The following DOCK7 variants were observed in gnomAD, a reference collection of about 807,000 sequenced individuals.
DOCK7 encodes dedicator of cytokinesis 7.
Under a neutral mutation model 271.0 loss-of-function variants are expected in DOCK7, and 138 were observed. The observed-to-expected ratio is 0.51, with a 90% CI of 0.44 to 0.59. The LOEUF is 0.59. DOCK7 is among the 20% of genes least tolerant of loss of function. The pLI is 0.00. For missense variants in DOCK7, 2,066 were observed against 2,592.4 expected (o/e 0.80, Z 4.41); for synonymous variants, 823 against 876.1 (o/e 0.94, Z 1.07).
At chr1:62,587,382 G>T (rs1647722807) in intron 14 of DOCK7, among the ~76,000 whole-genome samples, 1 of 148,868 alleles carries the variant, frequency 6.7e-6, no homozygotes, top group African/African-American at 2.5e-5. Context: ...AAGACGTTTA[G>T]TATAATAGAA....
chr1:62,459,973 T>C (rs181621963), intron 48 of DOCK7, among the ~76,000 whole-genome samples: 1,755 of 151,624 alleles, frequency 0.012, 42 homozygotes, highest in African/African-American at 0.039. Flanking sequence ...TGGTGGTGGG[T>C]GCCTGTAGTC....
chr1:62,575,080 G>A (rs1310187362), intron 18 of DOCK7, among the ~76,000 whole-genome samples: 1 of 152,146 alleles, frequency 6.6e-6, no homozygotes, highest in African/African-American at 2.4e-5. Flanking sequence ...TCCCAGGCTG[G>A]AGGGCACTGG....
At chr1:62,614,045 A>C (rs1425692410) in intron 14 of DOCK7, among the ~76,000 whole-genome samples, 2 of 152,040 alleles carry the variant, frequency 1.3e-5, no homozygotes, top group Non-Finnish European at 2.9e-5. Flanking sequence ...CACTGGGAAA[A>C]TGTGTACACA....
chr1:62,612,492 T>C (rs1394040194), intron 14 of DOCK7, among the ~76,000 whole-genome samples: 1 of 152,086 alleles, frequency 6.6e-6, no homozygotes, highest in Non-Finnish European at 1.5e-5. Context: ...CACGTATACC[T>C]ATGTAACAAA....
In DOCK7 at chr1:62,489,078, A is replaced by C. The variant is rs1475460868; in HGVS notation, c.5362-13T>G. The C allele has an allele frequency of 1.9e-6, 3 of 1,549,552 alleles. No homozygotes were observed. ...CATACATGCCAGCCTATAAGAAAAA[A>C]TTTTGTTAAGATGTTGCTTTCTTTT... On this transcript the variant is annotated splice_polypyrimidine_tract_variant and intron_variant, in intron 41 of 49. Transcript: ENST00000635253.
chr1:62,578,948 T>C lies in DOCK7; in HGVS notation c.1890A>G (p.Glu630=), dbSNP rs1647025196. ...TAGCAGGAAGCTTAACCTTGATTTC[T>C]TCATGAAAATCAGGAGACCTTCATA... is the stretch of plus-strand genomic sequence containing the variant. The part of the protein sequence containing the change: ...VYHNRSPDFH[E]EIKVKLPATL... The change falls in exon 17 of 50, where the codon GAA becomes GAG. Residue 630 remains glutamate, a synonymous_variant. Coordinates refer to ENST00000635253, the MANE Select transcript of DOCK7 (RefSeq NM_001367561.1). 1 of 1,580,942 alleles carries C rather than the reference T, an allele frequency of 6.3e-7. No individual in the cohort carries two copies. The highest frequency in any genetic ancestry group is 8.6e-7 in the Non-Finnish European group (1 of 1,168,744).
chr1:62,465,546 TTTG>T (rs762502818), intron 48 of DOCK7, among the ~76,000 whole-genome samples: 1 of 152,090 alleles, frequency 6.6e-6, no homozygotes, highest in South Asian at 2.1e-4. Context: ...AAATACTGTT[TTTG>T]TTGTTGTTGT....
chr1:62,583,342 T>C, intron 15 of DOCK7, 88 bp from the exon 16 acceptor site: 1 of 1,276,852 alleles, frequency 7.8e-7, no homozygotes, highest in East Asian at 2.3e-5. Context: ...ATTTAATAAC[T>C]ATTTGAGAAA....
At chr1:62,473,072 T>C (rs1645875878) in intron 48 of DOCK7, among the ~76,000 whole-genome samples, 1 of 152,188 alleles carries the variant, frequency 6.6e-6, no homozygotes, top group Non-Finnish European at 1.5e-5. Flanking sequence ...CAGGCACCAG[T>C]ATAACTATAT....
At chr1:62,654,733 T>C (rs995437039) in intron 2 of DOCK7, among the ~76,000 whole-genome samples, 7 of 152,218 alleles carry the variant, frequency 4.6e-5, no homozygotes, top group African/African-American at 1.7e-4. Flanking sequence ...ACGGGAGTAT[T>C]ATGCTGGATT....
At chr1:62,459,198 A>G (rs141131544) in intron 48 of DOCK7, 37 of 152,248 alleles carry the variant, frequency 2.4e-4, no homozygotes, top group African/African-American at 8.4e-4. Context: ...TGGAACATAA[A>G]GTTAAATACA....
intron 13 of DOCK7, among the ~76,000 whole-genome samples, chr1:62,619,234 T>C (rs1030738316): frequency 3.3e-5 from 5 of 152,244 alleles, no homozygotes; most frequent in African/African-American, 4.8e-5. Flanking sequence ...TAAGACATTT[T>C]TACTCTGGAA....
At position 62,474,050 on chromosome 1, in the gene DOCK7, T is replaced by C. The variant is rs1645904916; in HGVS notation, c.6144A>G (p.Ile2048Met). 6.2e-7 allele frequency: 1 copy of C among 1,614,042 alleles called. No individual in the cohort carries two copies. The highest frequency in any genetic ancestry group is 8.5e-7 in the Non-Finnish European group (1 of 1,179,954). The change falls in exon 48 of 50, where the codon ATA (isoleucine) becomes ATG (methionine). Residue 2048 changes from isoleucine to methionine, a missense_variant. By Grantham distance (10) the Ile-to-Met change is conservative. Around this residue, in one of 2 missense-constraint regions of DOCK7, gnomAD observed 652 missense variants for 922.1 expected, o/e 0.71. Transcript: ENST00000635253. ...GTCTGAAGAGCTTTGGGTCACTAGG[T>C]ATTTCAGACAGAAAAACCTGGGCAA... The part of the protein sequence containing the change: ...LEVAQVFLSE[I>M]PSDPKLFRHH...
chr1:62,505,636 TAAA>T (rs906030631), intron 36 of DOCK7, 43 bp downstream of exon 36: 1 of 1,564,088 alleles, frequency 6.4e-7, no homozygotes, highest in Non-Finnish European at 8.6e-7. Flanking sequence ...ACAATGTTAA[TAAA>T]AAAAACAAAG....
intron 12 of DOCK7, among the ~76,000 whole-genome samples, chr1:62,624,047 T>C (rs1653614409): frequency 1.3e-5 from 2 of 152,144 alleles, no homozygotes; most frequent in African/African-American, 4.8e-5. Flanking sequence ...CTTAATCCAC[T>C]CCAAAACATG....
chr1:62,641,912 T>C (rs191922977), intron 7 of DOCK7, among the ~76,000 whole-genome samples: 153 of 152,312 alleles, frequency 1.0e-3, no homozygotes, highest in Non-Finnish European at 2.0e-3. Flanking sequence ...TATCGTAATA[T>C]ATATTTTTAC....
chr1:62,687,968 C>T (rs1662020521), intron 1 of DOCK7, among the ~76,000 whole-genome samples: 1 of 152,152 alleles, frequency 6.6e-6, no homozygotes, highest in Non-Finnish European at 1.5e-5. Context: ...AGGAGGCGGG[C>T]GCGCTGGAGT....
chr1:62,649,677 T>TATGATAAGGCTCTA (rs1553196143), intron 4 of DOCK7, among the ~76,000 whole-genome samples: 1 of 152,212 alleles, frequency 6.6e-6, no homozygotes, highest in Non-Finnish European at 1.5e-5. Flanking sequence ...AGTCTGTTGC[T>TATGATAAGGCTCTA]ATGATAAGGC....
chr1:62,507,250 T>C (rs939984093), intron 35 of DOCK7, among the ~76,000 whole-genome samples: 5 of 152,128 alleles, frequency 3.3e-5, no homozygotes, highest in Admixed American at 2.0e-4. Context: ...AGAAAAGGAA[T>C]GGAAGGAATA....
Sources: gnomAD v4.1 joint callset for allele counts (sites outside exome capture counted in the v4.1 genomes callset) on GRCh38, gnomAD v4.1.1 for gene constraint, gnomAD v4.1.1 regional missense constraint, MANE v1.5 for transcripts, NCBI Gene and HGNC (gene_info 2026-07-23, HGNC 2026-07-21) for gene names.